The following CNTN6 variants were observed in gnomAD, a reference collection of about 807,000 sequenced individuals.
The protein encoded by CNTN6 is contactin 6.
A neutral mutation model predicts 122.8 loss-of-function variants in CNTN6; 137 were observed. The ratio of observed to expected loss-of-function variants is 1.12; its 90% CI spans 0.97 to 1.29. CNTN6 has a LOEUF of 1.29. CNTN6 is among the 50% of genes most tolerant of loss of function. The pLI is 0.00. For missense variants in CNTN6, 1,634 were observed against 1,223.4 expected (o/e 1.34, Z -5.01); for synonymous variants, 570 against 426.0 (o/e 1.34, Z -4.16).
At chr3:1,397,704 G>A (rs1451235252) in intron 20 of CNTN6, among the ~76,000 whole-genome samples, 1 of 152,120 alleles carries the variant, frequency 6.6e-6, no homozygotes, top group East Asian at 1.9e-4. Flanking sequence ...GTTTGCAAAT[G>A]TTGGCTCAAT....
At chr3:1,177,898 A>ATTTTTTTTTTTTTTTTTTT (rs11303380) in intron 2 of CNTN6, among the ~76,000 whole-genome samples, 1 of 133,418 alleles carries the variant, frequency 7.5e-6, no homozygotes. Flanking sequence ...TGCCCTTTCC[A>ATTTTTTTTTTTTTTTTTTT]TTTTTTTTTT....
At position 1,365,013 on chromosome 3, in the gene CNTN6, T is replaced by C. The variant is rs572563674; in HGVS notation, c.1493-7286T>C. 4.6e-5 allele frequency among the ~76,000 whole-genome samples: 7 copies of C among 152,160 alleles called. No individual in the cohort carries two copies. The East Asian group carries it at 5.8e-4, about 13-fold the overall frequency. On this transcript the variant is annotated intron_variant, in intron 12 of 22. Coordinates refer to ENST00000446702, the MANE Select transcript of CNTN6 (RefSeq NM_001289080.2). Reference sequence around the variant, plus strand: ...TTCAAAAAGTGGCTAGTTCTTATGATTTCAGAAAGTGAATGAGAAATGTTC... The same window carrying C: ...TTCAAAAAGTGGCTAGTTCTTATGACTTCAGAAAGTGAATGAGAAATGTTC...
intron 5 of CNTN6, among the ~76,000 whole-genome samples, chr3:1,286,102 A>C (rs1694287101): frequency 6.6e-6 from 1 of 152,228 alleles, no homozygotes; most frequent in Non-Finnish European, 1.5e-5. Flanking sequence ...CTCCTGTTGC[A>C]GCCTGTTACC....
chr3:1,380,351 T>G (rs769188369), intron 17 of CNTN6, among the ~76,000 whole-genome samples: 33 of 151,008 alleles, frequency 2.2e-4, no homozygotes, highest in Non-Finnish European at 4.0e-4. Flanking sequence ...GATTTTTTGT[T>G]TATTTGTTTT....
intron 4 of CNTN6, among the ~76,000 whole-genome samples, chr3:1,246,192 C>G (rs919534724): frequency 6.6e-6 from 1 of 152,162 alleles, no homozygotes; most frequent in Non-Finnish European, 1.5e-5. Context: ...ATTATATCCC[C>G]TTCTAGTTAT....
At chr3:1,156,197 A>C (rs2092957934) in intron 2 of CNTN6, among the ~76,000 whole-genome samples, 1 of 152,166 alleles carries the variant, frequency 6.6e-6, no homozygotes, top group Non-Finnish European at 1.5e-5. Context: ...GTTCTTCTTC[A>C]GATCCATTTC....
chr3:1,278,572 C>G, intron 5 of CNTN6, 64 bp downstream of exon 5: 2 of 1,142,198 alleles, frequency 1.8e-6, no homozygotes, highest in South Asian at 1.3e-5. Context: ...GTGAGCACAT[C>G]AGGTCTTAGG....
chr3:1,295,951 A>G (rs1001910211), intron 6 of CNTN6, 147 bp downstream of exon 6: 2 of 675,982 alleles, frequency 3.0e-6, no homozygotes, highest in Non-Finnish European at 5.0e-6. Flanking sequence ...CCAGAAATAT[A>G]ACAGAAAATT....
intron 2 of CNTN6, among the ~76,000 whole-genome samples, chr3:1,183,376 C>T (rs983714297): frequency 3.3e-5 from 5 of 151,436 alleles, no homozygotes; most frequent in Non-Finnish European, 5.9e-5. Context: ...AAATTTATAA[C>T]TAAAATTTTA....
Position 1,187,788 on chromosome 3 carries a change from C to T in CNTN6, c.56-32899C>T, listed in dbSNP as rs536618387. 4.6e-5 allele frequency among the ~76,000 whole-genome samples: 7 copies of T among 152,272 alleles called. No homozygotes were observed. The South Asian group carries it at 1.4e-3, about 32-fold the overall frequency. On this transcript the variant is annotated intron_variant, in intron 2 of 22. Transcript: ENST00000446702. ...CAGATGCCCAAGAAGCTGGCTCTGC[C>T]CCTACTGTGCCAGTGCCTCCTGGGC...
chr3:1,170,640 G>A (rs2093343344), intron 2 of CNTN6, among the ~76,000 whole-genome samples: 1 of 152,010 alleles, frequency 6.6e-6, no homozygotes, highest in Non-Finnish European at 1.5e-5. Flanking sequence ...CTTATCACAG[G>A]GGACACTGAG....
chr3:1,337,486 C>T (rs532802250), intron 11 of CNTN6, among the ~76,000 whole-genome samples: 1 of 152,132 alleles, frequency 6.6e-6, no homozygotes, highest in Non-Finnish European at 1.5e-5. Flanking sequence ...GCAAAGCAGG[C>T]TTCTCTACCC....
chr3:1,245,308 ATATATATATAT>A lies in CNTN6; in HGVS notation c.358+17316_358+17326del, dbSNP rs2094564370. ...ATATATATATAACATATATATATAT[ATATATATATAT>A]ATATATATATATATATAGCATGGAA... On this transcript the variant is annotated intron_variant, in intron 4 of 22. Transcript: ENST00000446702. Among the ~76,000 whole-genome samples, 8 of 15,660 alleles carry A rather than the reference ATATATATATAT, an allele frequency of 5.1e-4. 1 individual carries two copies. The highest frequency in any genetic ancestry group is 1.7e-3 in the South Asian group (1 of 582). 10.3% of individuals were successfully genotyped at this position (15,660 alleles called of 152,430 possible).
chr3:1,273,915 T>C (rs1478032184), intron 4 of CNTN6, among the ~76,000 whole-genome samples: 1 of 152,202 alleles, frequency 6.6e-6, no homozygotes, highest in Non-Finnish European at 1.5e-5. Context: ...ACTGAAAAGA[T>C]GATTGATGTT....
chr3:1,268,390 G>A (rs1005756791), intron 4 of CNTN6, among the ~76,000 whole-genome samples: 15 of 152,208 alleles, frequency 9.9e-5, no homozygotes, highest in Non-Finnish European at 1.8e-4. Flanking sequence ...GGCGGATCAC[G>A]AGGTCAGGAG....
chr3:1,103,919 C>A (rs374791731), intron 1 of CNTN6, among the ~76,000 whole-genome samples: 1 of 151,842 alleles, frequency 6.6e-6, no homozygotes, highest in Non-Finnish European at 1.5e-5. Context: ...GTCTTCAATT[C>A]GTACAAAAAT....
intron 2 of CNTN6, among the ~76,000 whole-genome samples, chr3:1,167,873 A>G (rs2093286633): frequency 6.6e-6 from 1 of 152,180 alleles, no homozygotes; most frequent in African/African-American, 2.4e-5. Context: ...TAGGATCTCA[A>G]AATAATTTGA....
intron 2 of CNTN6, among the ~76,000 whole-genome samples, chr3:1,160,372 A>ATAT (rs1480647240): frequency 3.6e-5 from 5 of 138,194 alleles, no homozygotes; most frequent in East Asian, 2.2e-4. Context: ...ATATATACAC[A>ATAT]CTACCTATAT....
At chr3:1,321,190 A>AAG (rs959093430) in intron 7 of CNTN6, among the ~76,000 whole-genome samples, 2 of 151,606 alleles carry the variant, frequency 1.3e-5, no homozygotes, top group African/African-American at 4.8e-5. Flanking sequence ...AGAAACTATA[A>AAG]ATATATATAT....
Sources: allele counts gnomAD v4.1 joint callset (sites outside exome capture counted in the v4.1 genomes callset), GRCh38; gene constraint gnomAD v4.1.1; transcripts MANE v1.5; gene names NCBI Gene and HGNC (gene_info 2026-07-23, HGNC 2026-07-21).